The following CACNA1H variants were observed in gnomAD, a reference collection of about 807,000 sequenced individuals.
The protein encoded by CACNA1H is calcium voltage-gated channel subunit alpha1 H.
CACNA1H carries 149 observed loss-of-function variants against 192.5 expected under a neutral mutation model. That is an observed-to-expected ratio of 0.77 (90% CI 0.68 to 0.89). The LOEUF is 0.89. Ranked by LOEUF, CACNA1H falls within the 40% of genes least tolerant of loss-of-function variation. The pLI is 0.00. For synonymous variants in CACNA1H, 2,202 were observed against 1,475.2 expected, an observed-to-expected ratio of 1.49 and a Z score of -11.29; for missense variants, 4,257 against 3,423.5, an observed-to-expected ratio of 1.24 and a Z score of -6.08.
chr16:1,176,249 G>C (rs1300310740), intron 2 of CACNA1H, among the ~76,000 whole-genome samples: 2 of 152,254 alleles, frequency 1.3e-5, no homozygotes, highest in Non-Finnish European at 2.9e-5. Flanking sequence ...TCTGAGCTTG[G>C]AGCTCTAATT....
chr16:1,170,012 A>G (rs1964202649), intron 2 of CACNA1H, among the ~76,000 whole-genome samples: 1 of 152,172 alleles, frequency 6.6e-6, no homozygotes, highest in Non-Finnish European at 1.5e-5. Context: ...GTTTATGTGC[A>G]GGGCTCAAGT....
intron 2 of CACNA1H, among the ~76,000 whole-genome samples, chr16:1,192,300 T>C (rs57734057): frequency 0.42 from 64,062 of 152,072 alleles, 14,860 homozygotes; most frequent in African/African-American, 0.62. Flanking sequence ...GGACCCCTAG[T>C]CAGCTGTCTT....
chr16:1,197,222 C>T (rs1454990520), intron 5 of CACNA1H, among the ~76,000 whole-genome samples: 1 of 152,232 alleles, frequency 6.6e-6, no homozygotes, highest in Non-Finnish European at 1.5e-5. Context: ...GCCTGAACCT[C>T]AGTTTCTCCT....
chr16:1,218,832 C>G, intron 33 of CACNA1H, 138 bp from the exon 34 acceptor site: 4 of 1,114,898 alleles, frequency 3.6e-6, no homozygotes, highest in African/African-American at 1.6e-5. Context: ...TGGGTGTGGG[C>G]AGGTGAGAGA....
At chr16:1,172,094 C>T (rs950838993) in intron 2 of CACNA1H, among the ~76,000 whole-genome samples, 2 of 152,012 alleles carry the variant, frequency 1.3e-5, no homozygotes, top group Admixed American at 6.6e-5. Flanking sequence ...AGGTGTCAGA[C>T]GTCACCGGGA....
At chr16:1,185,658 A>ATAGGGCCGGGGGCGGGGCATGTG (rs1567475725) in intron 2 of CACNA1H, among the ~76,000 whole-genome samples, 1 of 3,842 alleles carries the variant, frequency 2.6e-4, no homozygotes, top group Non-Finnish European at 5.3e-4. Flanking sequence ...GTCGGCATGC[A>ATAGGGCCGGGGGCGGGGCATGTG]TAGGGGCCGG....
Position 1,221,099 on chromosome 16 carries a change from G to T in CACNA1H, c.*105G>T. ...CATGGACCCTGACTTGGGTCCCGTC[G>T]TGAGCAGAAAGGCCCGGGGAGGATG... On this transcript the variant is annotated 3_prime_UTR_variant, in exon 35 of 35. Transcript: ENST00000348261. 1 of 897,840 alleles carries T rather than the reference G, an allele frequency of 1.1e-6. No individual in the cohort carries two copies. Among genetic ancestry groups the T allele is most frequent in the Non-Finnish European group, 1.7e-6 (1 of 605,162 alleles). 55.6% of individuals were successfully genotyped at this position (897,840 alleles called of 1,614,324 possible). A position where few individuals can be genotyped will look rare whatever the true frequency, so the allele number is the denominator to read the frequency against.
chr16:1,205,959 C>T, intron 11 of CACNA1H, 145 bp from the exon 12 acceptor site: 2 of 750,470 alleles, frequency 2.7e-6, no homozygotes, highest in Non-Finnish European at 4.2e-6. Flanking sequence ...TGTTCATGCA[C>T]CTTGATGCAG....
intron 2 of CACNA1H, among the ~76,000 whole-genome samples, chr16:1,168,783 C>T (rs945732099): frequency 2.6e-5 from 4 of 152,258 alleles, no homozygotes; most frequent in Admixed American, 2.6e-4. Flanking sequence ...CCCAGCCTTG[C>T]CCTCCAGGCC....
Position 1,210,246 on chromosome 16 carries a change from C to T in CACNA1H, c.3845+111C>T. 3.2e-6 allele frequency: 4 copies of T among 1,236,936 alleles called. No individual in the cohort carries two copies. The South Asian group carries it at 3.9e-5, about 12-fold the overall frequency. The allele number at this position is 1,236,936 out of a possible 1,614,324, so 76.6% of individuals were successfully genotyped here. On this transcript the variant is annotated intron_variant, in intron 18 of 34. Transcript: ENST00000348261. ...CATGGTGGATATTTCCGAGTGGGCACCCCTTCTCACACCGCAGGGACCGGG... is the reference window on the plus strand; with the variant it reads ...CATGGTGGATATTTCCGAGTGGGCATCCCTTCTCACACCGCAGGGACCGGG...
intron 2 of CACNA1H, among the ~76,000 whole-genome samples, chr16:1,178,564 C>T (rs916118493): frequency 9.2e-5 from 14 of 152,134 alleles, no homozygotes; most frequent in African/African-American, 3.4e-4. Context: ...CAGGAGGAGC[C>T]GGCCCTGCCC....
intron 30 of CACNA1H, among the ~76,000 whole-genome samples, chr16:1,215,931 G>A (rs147442583): frequency 6.9e-4 from 105 of 152,228 alleles, no homozygotes; most frequent in African/African-American, 2.5e-3. Context: ...AATACACCCA[G>A]GATGCAGGCG....
intron 2 of CACNA1H, among the ~76,000 whole-genome samples, chr16:1,185,714 AG>A (rs1205986186): frequency 4.1e-3 from 31 of 7,500 alleles, no homozygotes; most frequent in Non-Finnish European, 8.7e-3. Context: ...CGGCGTGCGT[AG>A]GGGCCGGAGG....
intron 2 of CACNA1H, among the ~76,000 whole-genome samples, chr16:1,191,377 G>C: frequency 9.2e-6 from 1 of 109,058 alleles, no homozygotes; most frequent in Non-Finnish European, 1.9e-5. Flanking sequence ...CTGGCTGTGT[G>C]GCCTCAGGCA....
At chr16:1,218,718 T>TGGGAGGGAGGATGGGGTCAGGC in intron 33 of CACNA1H, 67 bp downstream of exon 33, 1 of 818,292 alleles carries the variant, frequency 1.2e-6, no homozygotes, top group Non-Finnish European at 1.6e-6. Context: ...TGGGGGCAGG[T>TGGGAGGGAGGATGGGGTCAGGC]GGGAGGGAGG....
intron 11 of CACNA1H, 93 bp from the exon 12 acceptor site, chr16:1,206,011 T>G (rs1968660470): frequency 1.6e-6 from 2 of 1,245,422 alleles, no homozygotes; most frequent in Non-Finnish European, 2.2e-6. Context: ...CAGGCCGCTG[T>G]GGCTCCCTGG....
intron 6 of CACNA1H, among the ~76,000 whole-genome samples, chr16:1,199,094 G>GCACATATGCCCCACCC (rs1967397231): frequency 4.8e-5 from 2 of 41,302 alleles, no homozygotes; most frequent in Non-Finnish European, 9.8e-5. Context: ...CCATGGCTCT[G>GCACATATGCCCCACCC]CCCACCACGC....
rs2141411514 is a variant in CACNA1H, at chr16:1,220,642, G to A, written c.6710G>A (p.Gly2237Asp). Residue 2237 changes from glycine to aspartate, a missense_variant, in exon 35 of 35, where the codon GGC (glycine) becomes GAC (aspartate). Gly to Asp is a moderately conservative substitution (Grantham distance 94, BLOSUM62 -1). Transcript: ENST00000348261. ...AGGGACTCCCTGGAGCCCACAGAGG[G>A]CTCAGGCGCCGGGGGGGACCCTGCA... ...PHRDSLEPTEGSGAGGDPAAK... is the reference protein window; with the variant it reads ...PHRDSLEPTEDSGAGGDPAAK... 6.2e-7 allele frequency: 1 copy of A among 1,603,062 alleles called. No homozygotes were observed. The highest frequency in any genetic ancestry group is 1.3e-5 in the African/African-American group (1 of 74,602).
At chr16:1,197,028 C>A (rs977257051) in intron 5 of CACNA1H, among the ~76,000 whole-genome samples, 1 of 152,166 alleles carries the variant, frequency 6.6e-6, no homozygotes, top group East Asian at 1.9e-4. Context: ...CCTGCAGCAA[C>A]CCCCCAAAGT....
Sources: allele counts gnomAD v4.1 joint callset (sites outside exome capture counted in the v4.1 genomes callset), GRCh38; gene constraint gnomAD v4.1.1; transcripts MANE v1.5; gene names NCBI Gene and HGNC (gene_info 2026-07-23, HGNC 2026-07-21).